STARD13: variants seen among roughly 807,000 people sequenced by gnomAD.
STARD13 encodes stAR-related lipid transfer protein 13.
In STARD13, 62 loss-of-function variants were observed where a neutral mutation model predicts 106.4. That is an observed-to-expected ratio of 0.58 (90% CI 0.48 to 0.72). The LOEUF (loss-of-function observed/expected upper bound fraction) is 0.72, where lower values mean the gene tolerates loss of function less well. STARD13 is among the 30% of genes least tolerant of loss of function. The probability of loss-of-function intolerance (pLI) is 0.00; values close to 1 mark genes in which losing one functional copy is unlikely to be tolerated. For synonymous variants in STARD13, 565 were observed against 553.0 expected, an observed-to-expected ratio of 1.02 and a Z score of -0.31; for missense variants, 1,387 against 1,424.0, an observed-to-expected ratio of 0.97 and a Z score of 0.42.
At chr13:33,285,819 C>T (rs1892034176), upstream of STARD13, 6 of 1,375,792 alleles carry the variant, frequency 4.4e-6, no homozygotes, top group African/African-American at 5.8e-5. Flanking sequence ...CTCACGTGAC[C>T]TCGGGAACCA....
At chr13:33,182,237 C>G (rs1885309879) in intron 1 of STARD13, among the ~76,000 whole-genome samples, 2 of 152,208 alleles carry the variant, frequency 1.3e-5, no homozygotes, top group Admixed American at 6.5e-5. Context: ...GTCATATCCA[C>G]TGACTTCATC....
At chr13:33,188,624 G>A (rs1885980697) in intron 1 of STARD13, among the ~76,000 whole-genome samples, 1 of 152,160 alleles carries the variant, frequency 6.6e-6, no homozygotes, top group African/African-American at 2.4e-5. Flanking sequence ...TAGTGAAACA[G>A]CTTCTTTTGA....
intron 13 of STARD13, among the ~76,000 whole-genome samples, chr13:33,106,529 A>G (rs1422332051): frequency 6.6e-6 from 1 of 152,264 alleles, no homozygotes; most frequent in Non-Finnish European, 1.5e-5. Flanking sequence ...ATAAGTAGGC[A>G]TAAAACAGAA....
the STARD13 span, among the ~76,000 whole-genome samples, chr13:33,393,713 T>C: frequency 7.4e-4 from 113 of 152,300 alleles, no homozygotes; most frequent in African/African-American, 2.6e-3. Flanking sequence ...AGCTAAAGGT[T>C]TCATATAAAT....
chr13:33,590,593 G>A, the STARD13 span, among the ~76,000 whole-genome samples: 39 of 150,594 alleles, frequency 2.6e-4, 1 homozygote, highest in South Asian at 4.6e-3. Flanking sequence ...GCAAACTATC[G>A]CAAGGACAAA....
At chr13:33,508,263 C>G in the STARD13 span, among the ~76,000 whole-genome samples, 9 of 152,142 alleles carry the variant, frequency 5.9e-5, no homozygotes, top group African/African-American at 2.2e-4. Flanking sequence ...GGTCAGGTGG[C>G]CCAGACAGGC....
chr13:33,170,647 C>T (rs1039022678), intron 1 of STARD13, among the ~76,000 whole-genome samples: 1 of 152,048 alleles, frequency 6.6e-6, no homozygotes, highest in Non-Finnish European at 1.5e-5. Flanking sequence ...TAGAAGCAGC[C>T]CTGTCCTAGC....
chr13:33,372,173 T>G, the STARD13 span, among the ~76,000 whole-genome samples: 1 of 152,308 alleles, frequency 6.6e-6, no homozygotes, highest in African/African-American at 2.4e-5. Flanking sequence ...TCCATATATC[T>G]GAAAGGGCAC....
chr13:33,501,078 C>CTTTTT, the STARD13 span, among the ~76,000 whole-genome samples: 61 of 94,086 alleles, frequency 6.5e-4, no homozygotes, highest in African/African-American at 2.0e-3. Flanking sequence ...TCTCTCTCTC[C>CTTTTT]TTTTTTTTTT....
the STARD13 span, chr13:33,355,725 G>C: frequency 3.6e-3 from 546 of 152,268 alleles, 3 homozygotes; most frequent in Non-Finnish European, 4.2e-3. Flanking sequence ...TAAAAGTGTT[G>C]CTGAAAGTTC....
chr13:33,177,977 G>T (rs1432571819), intron 1 of STARD13, among the ~76,000 whole-genome samples: 1 of 13,018 alleles, frequency 7.7e-5, no homozygotes, highest in African/African-American at 5.3e-4. Flanking sequence ...AGGAAGGAAG[G>T]AAGGAAGGAA....
chr13:33,320,380 T>C (rs183473059), intron 1 of STARD13, among the ~76,000 whole-genome samples: 16 of 152,200 alleles, frequency 1.1e-4, no homozygotes, highest in African/African-American at 3.9e-4. Flanking sequence ...CATTGCAGGG[T>C]CTCTAGGAGT....
At chr13:33,132,278 G>A (rs1878412908) in intron 4 of STARD13, among the ~76,000 whole-genome samples, 1 of 152,184 alleles carries the variant, frequency 6.6e-6, no homozygotes, top group Admixed American at 6.5e-5. Flanking sequence ...TAATTCCCAT[G>A]TTTTGATGTG....
intron 1 of STARD13, among the ~76,000 whole-genome samples, chr13:33,316,132 A>G (rs1893323846): frequency 6.6e-6 from 1 of 152,304 alleles, no homozygotes; most frequent in South Asian, 2.1e-4. Context: ...ATGGTTTATA[A>G]GGGTCTTCAG....
At chr13:33,400,488 G>A in the STARD13 span, among the ~76,000 whole-genome samples, 1 of 150,400 alleles carries the variant, frequency 6.6e-6, no homozygotes, top group East Asian at 1.9e-4. Flanking sequence ...TTGAGACAGA[G>A]TCTTGCTCTG....
chr13:33,474,067 T>C, the STARD13 span, among the ~76,000 whole-genome samples: 3 of 152,174 alleles, frequency 2.0e-5, no homozygotes, highest in East Asian at 5.8e-4. Context: ...TAAACTGATA[T>C]TCTTTTGTAA....
At chr13:33,135,786 T>A (rs1368412819) in intron 4 of STARD13, among the ~76,000 whole-genome samples, 1 of 152,184 alleles carries the variant, frequency 6.6e-6, no homozygotes, top group South Asian at 2.1e-4. Context: ...TTGTTATCAA[T>A]CCCACTTAAC....
chr13:33,661,765 G>T, the STARD13 span, among the ~76,000 whole-genome samples: 26 of 152,186 alleles, frequency 1.7e-4, no homozygotes, highest in African/African-American at 6.0e-4. Context: ...AACACATGGG[G>T]ATTGTTACAA....
At chr13:33,656,118 C>T in the STARD13 span, among the ~76,000 whole-genome samples, 2 of 152,184 alleles carry the variant, frequency 1.3e-5, no homozygotes, top group Admixed American at 6.5e-5. Flanking sequence ...ACTATGTATT[C>T]TAATGATTTT....
Sources: gnomAD v4.1 joint callset for allele counts (sites outside exome capture counted in the v4.1 genomes callset) on GRCh38, gnomAD v4.1.1 for gene constraint, MANE v1.5 for transcripts, NCBI Gene and HGNC (gene_info 2026-07-23, HGNC 2026-07-21) for gene names.